FSTL4: variants seen among roughly 807,000 people sequenced by gnomAD.
The protein encoded by FSTL4 is follistatin like 4.
Under a neutral mutation model 78.2 loss-of-function variants are expected in FSTL4, and 28 were observed. The ratio of observed to expected loss-of-function variants is 0.36; its 90% CI spans 0.27 to 0.49. The LOEUF (loss-of-function observed/expected upper bound fraction) is 0.49, where lower values mean the gene tolerates loss of function less well. Ranked by LOEUF, FSTL4 falls within the 20% of genes least tolerant of loss-of-function variation. FSTL4 has a pLI of 0.98. For synonymous variants in FSTL4, 422 were observed against 440.5 expected (o/e 0.96, Z 0.53); for missense variants, 922 against 1,084.9 (o/e 0.85, Z 2.11).
chr5:133,773,072 C>T, the FSTL4 span, among the ~76,000 whole-genome samples: 2 of 151,764 alleles, frequency 1.3e-5, no homozygotes, highest in East Asian at 1.9e-4. Context: ...TGTTCTAATA[C>T]AGAATTAATA....
intron 6 of FSTL4, among the ~76,000 whole-genome samples, chr5:133,282,144 G>C (rs1345255303): frequency 6.6e-6 from 1 of 152,180 alleles, no homozygotes; most frequent in Non-Finnish European, 1.5e-5. Flanking sequence ...TGTCCTTAAG[G>C]CCTCTCTGAG....
intron 3 of FSTL4, among the ~76,000 whole-genome samples, chr5:133,549,762 G>A (rs966969883): frequency 6.6e-6 from 1 of 152,198 alleles, no homozygotes; most frequent in African/African-American, 2.4e-5. Context: ...GGCTTTCTCA[G>A]ACTAGTCTGT....
intron 6 of FSTL4, among the ~76,000 whole-genome samples, chr5:133,277,755 G>A (rs2126855352): frequency 6.6e-6 from 1 of 152,252 alleles, no homozygotes; most frequent in Admixed American, 6.5e-5. Flanking sequence ...GGGATCCTGG[G>A]GCCCTGGGCT....
intron 3 of FSTL4, among the ~76,000 whole-genome samples, chr5:133,522,633 T>A (rs932726875): frequency 1.3e-5 from 2 of 152,234 alleles, no homozygotes; most frequent in South Asian, 2.1e-4. Context: ...ACATTTCCTA[T>A]CTCAGTGGCT....
In FSTL4 at chr5:133,289,637, G is replaced by A. The variant is rs117168703; in HGVS notation, c.727+23017C>T. Among the ~76,000 whole-genome samples, 614 of 152,330 alleles carry A rather than the reference G, an allele frequency of 4.0e-3. 10 individuals carry two copies. The highest frequency in any genetic ancestry group is 0.011 in the East Asian group (58 of 5,174). On this transcript the variant is annotated intron_variant, in intron 6 of 15. Coordinates refer to ENST00000265342, the MANE Select transcript of FSTL4 (RefSeq NM_015082.2). ...GGCAGAGGGGCAGGTGTCCTGCTGTGGTAGGCACCTGTCTTCCAGCTTGCC... is the reference window on the plus strand; with the variant it reads ...GGCAGAGGGGCAGGTGTCCTGCTGTAGTAGGCACCTGTCTTCCAGCTTGCC...
chr5:133,492,984 T>C (rs73283654), intron 3 of FSTL4, among the ~76,000 whole-genome samples: 2,205 of 152,202 alleles, frequency 0.014, 52 homozygotes, highest in African/African-American at 0.049. Flanking sequence ...GTACCTAATA[T>C]GTTTTTAAAT....
At chr5:133,433,850 G>C (rs548987051) in intron 3 of FSTL4, among the ~76,000 whole-genome samples, 1 of 152,230 alleles carries the variant, frequency 6.6e-6, no homozygotes, top group African/African-American at 2.4e-5. Context: ...TGGGCCAAGA[G>C]GGGAGGCTAG....
chr5:133,273,858 G>A (rs1358915915), intron 6 of FSTL4, among the ~76,000 whole-genome samples: 2 of 152,136 alleles, frequency 1.3e-5, no homozygotes, highest in East Asian at 1.9e-4. Context: ...CCCCAAGCAT[G>A]AGTCAGGGCA....
At chr5:133,469,284 C>T (rs1190133319) in intron 3 of FSTL4, among the ~76,000 whole-genome samples, 3 of 152,180 alleles carry the variant, frequency 2.0e-5, no homozygotes, top group East Asian at 1.9e-4. Flanking sequence ...TTCTGAAGAC[C>T]GTGGGCTGCA....
intron 4 of FSTL4, among the ~76,000 whole-genome samples, chr5:133,394,865 A>G (rs745977580): frequency 2.0e-5 from 3 of 152,162 alleles, no homozygotes; most frequent in Non-Finnish European, 4.4e-5. Flanking sequence ...GGGATTGTAG[A>G]TACACCAATC....
chr5:133,480,112 G>A (rs1364540546), intron 3 of FSTL4, among the ~76,000 whole-genome samples: 1 of 152,222 alleles, frequency 6.6e-6, no homozygotes, highest in African/African-American at 2.4e-5. Flanking sequence ...CCCAGGCGAA[G>A]TTGACCCTGC....
At chr5:133,389,243 C>T (rs186346786) in intron 4 of FSTL4, among the ~76,000 whole-genome samples, 39 of 152,296 alleles carry the variant, frequency 2.6e-4, no homozygotes, top group African/African-American at 8.9e-4. Context: ...CCCTTTCATT[C>T]GTGTTCAGAC....
At chr5:133,387,913 G>A (rs1755740779) in intron 4 of FSTL4, 1 of 152,166 alleles carries the variant, frequency 6.6e-6, no homozygotes, top group East Asian at 1.9e-4. Flanking sequence ...AAGGCAGGAG[G>A]TGAAGTCTCC....
chr5:133,353,309 T>C (rs1441251457), intron 4 of FSTL4, among the ~76,000 whole-genome samples: 1 of 152,252 alleles, frequency 6.6e-6, no homozygotes, highest in African/African-American at 2.4e-5. Flanking sequence ...GAAAAGTTCT[T>C]TTCTTGAATG....
At chr5:133,473,965 G>C (rs927247205) in intron 3 of FSTL4, among the ~76,000 whole-genome samples, 2 of 152,090 alleles carry the variant, frequency 1.3e-5, no homozygotes, top group African/African-American at 4.8e-5. Flanking sequence ...CCAATACATG[G>C]GGATTGCAAT....
At chr5:133,576,937 T>C (rs968094953) in intron 2 of FSTL4, among the ~76,000 whole-genome samples, 2 of 152,280 alleles carry the variant, frequency 1.3e-5, no homozygotes, top group African/African-American at 4.8e-5. Flanking sequence ...TCATTTTTGC[T>C]AGCAAGACAC....
intron 3 of FSTL4, among the ~76,000 whole-genome samples, chr5:133,497,035 G>C (rs775538070): frequency 6.6e-5 from 10 of 152,220 alleles, no homozygotes; most frequent in African/African-American, 1.2e-4. Context: ...CCCAGGGTCT[G>C]CTGTTCCTTC....
intron 3 of FSTL4, among the ~76,000 whole-genome samples, chr5:133,441,734 A>G (rs929084376): frequency 6.6e-6 from 1 of 151,972 alleles, no homozygotes; most frequent in Non-Finnish European, 1.5e-5. Flanking sequence ...ACCAGAGCCC[A>G]CTCCCTCCCA....
intron 3 of FSTL4, among the ~76,000 whole-genome samples, chr5:133,453,581 A>G (rs1366566636): frequency 6.6e-6 from 1 of 152,098 alleles, no homozygotes; most frequent in Non-Finnish European, 1.5e-5. Context: ...GCCAGCCCTG[A>G]CTCTTGCCCA....
Sources: gnomAD v4.1 joint callset for allele counts (sites outside exome capture counted in the v4.1 genomes callset) on GRCh38, gnomAD v4.1.1 for gene constraint, MANE v1.5 for transcripts, NCBI Gene and HGNC (gene_info 2026-07-23, HGNC 2026-07-21) for gene names.